The following TRAPPC9 variants were observed in gnomAD, a reference collection of about 807,000 sequenced individuals.
TRAPPC9 encodes the protein trafficking protein particle complex subunit 9.
Under a neutral mutation model 124.0 loss-of-function variants are expected in TRAPPC9, and 83 were observed. The ratio of observed to expected loss-of-function variants is 0.67; its 90% confidence interval spans 0.56 to 0.80. The LOEUF (loss-of-function observed/expected upper bound fraction) is 0.80. Among genes scored for constraint, TRAPPC9 ranks in the 30% least tolerant of loss-of-function variants. TRAPPC9 has a pLI of 0.00. For synonymous variants in TRAPPC9, 638 were observed against 617.5 expected, an observed-to-expected ratio of 1.03 and a Z score of -0.49; for missense variants, 1,302 against 1,508.3, an observed-to-expected ratio of 0.86 and a Z score of 2.27.
Position 140,457,688 on chromosome 8 carries a change from G to A in TRAPPC9, c.-60C>T. ...GCGGGAGCCCACGACCTGGCGGGCA[G>A]CGGGGCCGAGCAGCCTCTGCGGCCA... On this transcript the variant is annotated 5_prime_UTR_variant, in exon 1 of 23. Coordinates refer to ENST00000438773, the MANE Select transcript of TRAPPC9 (RefSeq NM_001160372.4). The A allele has an allele frequency of 2.0e-6, 2 of 986,918 alleles. No individual in the cohort carries two copies. Among genetic ancestry groups the A allele is most frequent in the Non-Finnish European group, 2.4e-6 (2 of 830,920 alleles). The allele number at this position is 986,918 out of a possible 1,614,324, so 61.1% of individuals were successfully genotyped here.
intron 18 of TRAPPC9, among the ~76,000 whole-genome samples, chr8:139,989,625 C>A (rs1351038139): frequency 6.6e-6 from 1 of 152,184 alleles, no homozygotes; most frequent in Non-Finnish European, 1.5e-5. Context: ...AAACAGGATG[C>A]TCAGAAGCTC....
chr8:139,816,600 C>T (rs1824855793), intron 21 of TRAPPC9, among the ~76,000 whole-genome samples: 1 of 150,954 alleles, frequency 6.6e-6, no homozygotes, highest in Admixed American at 6.6e-5. Context: ...GAACATCCCA[C>T]GGCTCCTGAG....
At chr8:139,883,762 G>C (rs886597803) in intron 21 of TRAPPC9, among the ~76,000 whole-genome samples, 1 of 152,222 alleles carries the variant, frequency 6.6e-6, no homozygotes, top group Non-Finnish European at 1.5e-5. Context: ...AGGCAGGACC[G>C]GGCTGAGGTT....
intron 17 of TRAPPC9, among the ~76,000 whole-genome samples, chr8:140,175,526 T>G (rs2062050069): frequency 6.6e-6 from 1 of 152,064 alleles, no homozygotes; most frequent in South Asian, 2.1e-4. Flanking sequence ...GATTAGAAAA[T>G]GTAAGGCTCA....
At chr8:139,916,886 T>C (rs928294018) in intron 19 of TRAPPC9, among the ~76,000 whole-genome samples, 3 of 152,234 alleles carry the variant, frequency 2.0e-5, no homozygotes, top group African/African-American at 7.2e-5. Context: ...AGTTGTTAGT[T>C]ATAAGACTAG....
At chr8:140,227,506 T>C (rs1202786346) in intron 16 of TRAPPC9, among the ~76,000 whole-genome samples, 6 of 152,234 alleles carry the variant, frequency 3.9e-5, no homozygotes, top group Admixed American at 3.3e-4. Context: ...GAGAATTTCA[T>C]ACTTCCCATT....
intron 17 of TRAPPC9, among the ~76,000 whole-genome samples, chr8:140,198,921 T>C (rs1407662609): frequency 2.0e-5 from 3 of 152,168 alleles, no homozygotes; most frequent in African/African-American, 2.4e-5. Flanking sequence ...ATACAGTGCT[T>C]GCAATGAAGG....
At chr8:139,965,790 A>AGAGACGCATCACACGGGG (rs1835668984) in intron 19 of TRAPPC9, among the ~76,000 whole-genome samples, 12 of 152,118 alleles carry the variant, frequency 7.9e-5, no homozygotes, top group South Asian at 2.1e-4. Flanking sequence ...CATGTTGAGC[A>AGAGACGCATCACACGGGG]GAGTTGGCTA....
In TRAPPC9 at chr8:140,170,153, T is replaced by A. The variant is rs567590200; in HGVS notation, c.2556+51306A>T. 6.2e-4 allele frequency among the ~76,000 whole-genome samples: 95 copies of A among 152,348 alleles called. 1 individual carries two copies. The highest frequency in any genetic ancestry group is 4.7e-4 in the Non-Finnish European group (32 of 68,036). On this transcript the variant is annotated intron_variant, in intron 17 of 22. Coordinates refer to ENST00000438773, the MANE Select transcript of TRAPPC9 (RefSeq NM_001160372.4). ...AACAGAAGCCCTATCAGGATGCTCA[T>A]AATCTGTGATTTCTGGAAGTGGCAG...
intron 17 of TRAPPC9, among the ~76,000 whole-genome samples, chr8:140,205,843 C>T (rs2062905082): frequency 6.6e-6 from 1 of 152,210 alleles, no homozygotes; most frequent in South Asian, 2.1e-4. Flanking sequence ...TTTCACCTCA[C>T]TCTCCAGATG....
At chr8:139,815,932 G>A (rs1460292105) in intron 21 of TRAPPC9, among the ~76,000 whole-genome samples, 2 of 152,222 alleles carry the variant, frequency 1.3e-5, no homozygotes, top group African/African-American at 2.4e-5. Context: ...CGTAGAAGCC[G>A]AGGCCCAGCG....
chr8:140,045,566 G>A (rs1466101627), intron 17 of TRAPPC9, among the ~76,000 whole-genome samples: 1 of 141,746 alleles, frequency 7.1e-6, no homozygotes, highest in East Asian at 2.3e-4. Context: ...GGCGGAGGTT[G>A]TAGCGACCTG....
intron 9 of TRAPPC9, among the ~76,000 whole-genome samples, chr8:140,321,528 G>C (rs766667622): frequency 6.6e-6 from 1 of 152,204 alleles, no homozygotes; most frequent in African/African-American, 2.4e-5. Flanking sequence ...CAAAGGAACA[G>C]GCATGAGCTA....
intron 21 of TRAPPC9, among the ~76,000 whole-genome samples, chr8:139,755,356 G>A (rs1197875107): frequency 6.2e-5 from 9 of 146,118 alleles, no homozygotes; most frequent in Middle Eastern, 3.8e-3. Context: ...TATAAGGACA[G>A]CAGGTCGCAG....
chr8:140,356,516 T>C (rs999734860), intron 9 of TRAPPC9, among the ~76,000 whole-genome samples: 2 of 152,068 alleles, frequency 1.3e-5, no homozygotes, highest in East Asian at 1.9e-4. Flanking sequence ...ATATGGCCCA[T>C]GCCCTTGAGA....
At chr8:140,453,157 C>T (rs1011720291) in intron 1 of TRAPPC9, among the ~76,000 whole-genome samples, 1 of 152,064 alleles carries the variant, frequency 6.6e-6, no homozygotes, top group Non-Finnish European at 1.5e-5. Context: ...GAAAAAGATG[C>T]CTCGATACAC....
intron 21 of TRAPPC9, among the ~76,000 whole-genome samples, chr8:139,750,725 C>G (rs1435351887): frequency 6.6e-6 from 1 of 152,222 alleles, no homozygotes; most frequent in South Asian, 2.1e-4. Context: ...CTGGGCCTGC[C>G]TGGGATGAGT....
intron 21 of TRAPPC9, among the ~76,000 whole-genome samples, chr8:139,868,473 C>T (rs982212136): frequency 1.3e-5 from 2 of 152,212 alleles, no homozygotes; most frequent in Non-Finnish European, 2.9e-5. Context: ...AAGGAGCGTG[C>T]TGCAGTGGAA....
intron 21 of TRAPPC9, 64 bp from the exon 22 acceptor site, chr8:139,732,266 C>T (rs1187902821): frequency 7.1e-7 from 1 of 1,409,826 alleles, no homozygotes; most frequent in Admixed American, 2.2e-5. Flanking sequence ...GCCTACCCCA[C>T]CCACTCGCTG....
Sources: gnomAD v4.1 joint callset for allele counts (sites outside exome capture counted in the v4.1 genomes callset) on GRCh38, gnomAD v4.1.1 for gene constraint, MANE v1.5 for transcripts, NCBI Gene and HGNC (gene_info 2026-07-23, HGNC 2026-07-21) for gene names.